Variants in ARHGAP21 observed in about 807,000 individuals in gnomAD.
ARHGAP21 encodes the protein rho GTPase-activating protein 21.
Under a neutral mutation model 164.6 loss-of-function variants are expected in ARHGAP21, and 38 were observed. The observed-to-expected ratio is 0.23, with a 90% confidence interval of 0.18 to 0.30. The LOEUF is 0.30. ARHGAP21 is among the 10% of genes least tolerant of loss of function. The pLI is 1.00. For missense variants in ARHGAP21, 1,822 were observed against 2,370.7 expected (o/e 0.77, Z 4.81); for synonymous variants, 766 against 857.9 (o/e 0.89, Z 1.87).
At chr10:24,611,295 C>A (rs903521601) in intron 9 of ARHGAP21, among the ~76,000 whole-genome samples, 2 of 152,176 alleles carry the variant, frequency 1.3e-5, no homozygotes, top group Non-Finnish European at 2.9e-5. Context: ...ACTTTCTCTT[C>A]TTATCCTTGG....
intron 9 of ARHGAP21, among the ~76,000 whole-genome samples, chr10:24,614,310 C>T (rs575397936): frequency 6.6e-6 from 1 of 152,116 alleles, no homozygotes; most frequent in Non-Finnish European, 1.5e-5. Flanking sequence ...AAAAGGCCTA[C>T]AATTACGAAT....
chr10:24,596,933 T>G (rs2076608932), intron 16 of ARHGAP21, 51 bp from the exon 17 acceptor site: 2 of 1,555,736 alleles, frequency 1.3e-6, no homozygotes, highest in Non-Finnish European at 1.7e-6. Context: ...GAAATGAGTG[T>G]CTAAATCATG....
intron 2 of ARHGAP21, among the ~76,000 whole-genome samples, chr10:24,701,365 G>T (rs1843656759): frequency 6.6e-6 from 1 of 151,772 alleles, no homozygotes; most frequent in Non-Finnish European, 1.5e-5. Context: ...TATACAAAAT[G>T]AGATTTCCAT....
At chr10:24,607,045 T>C (rs2077055811) in intron 11 of ARHGAP21, among the ~76,000 whole-genome samples, 2 of 152,172 alleles carry the variant, frequency 1.3e-5, no homozygotes, top group Non-Finnish European at 2.9e-5. Flanking sequence ...AACTATTCAA[T>C]GGAAAATTAA....
chr10:24,592,902 A>G (rs2076399689), intron 21 of ARHGAP21, among the ~76,000 whole-genome samples: 1 of 152,182 alleles, frequency 6.6e-6, no homozygotes, highest in African/African-American at 2.4e-5. Context: ...ACCAATTTTT[A>G]CTTGAAACCA....
At chr10:24,639,916 A>T (rs574645511) in intron 4 of ARHGAP21, among the ~76,000 whole-genome samples, 2 of 125,828 alleles carry the variant, frequency 1.6e-5, no homozygotes, top group South Asian at 5.0e-4. Context: ...AATATTAAGT[A>T]TACAAAAAAA....
chr10:24,640,096 T>C (rs923174654), intron 4 of ARHGAP21: 3 of 151,978 alleles, frequency 2.0e-5, no homozygotes, highest in South Asian at 2.1e-4. Context: ...TGGAAAAATA[T>C]ATAGTTTATA....
chr10:24,671,898 T>G lies in ARHGAP21; in HGVS notation c.64-1501A>C, dbSNP rs1312398896. Among the ~76,000 whole-genome samples the G allele has an allele frequency of 2.9e-5, 4 of 138,934 alleles. No individual in the cohort carries two copies. The East Asian group carries it at 8.3e-4, about 29-fold the overall frequency. The allele number at this position is 138,934 out of a possible 152,430, so 91.1% of individuals were successfully genotyped here. A position where few individuals can be genotyped will look rare whatever the true frequency, so the allele number is the denominator to read the frequency against. Reference sequence around the variant, plus strand: ...TCATCAAGCTAATTTTTTTTTTTTTTTTTTTTTTTTTTGTAGAGACAAGGT... The same window carrying G: ...TCATCAAGCTAATTTTTTTTTTTTTGTTTTTTTTTTTTGTAGAGACAAGGT... On this transcript the variant is annotated intron_variant, in intron 2 of 25. Transcript: ENST00000396432.
chr10:24,633,768 G>A (rs1196386317), intron 5 of ARHGAP21, among the ~76,000 whole-genome samples: 1 of 150,942 alleles, frequency 6.6e-6, no homozygotes, highest in African/African-American at 2.4e-5. Flanking sequence ...ACTGAATTTA[G>A]AAATTTCAAA....
chr10:24,671,884 A>ATTTTTTTT (rs35692163), intron 2 of ARHGAP21, among the ~76,000 whole-genome samples: 2 of 82,494 alleles, frequency 2.4e-5, no homozygotes, highest in Non-Finnish European at 4.6e-5. Context: ...CATCAAGCTA[A>ATTTTTTTT]TTTTTTTTTT....
At chr10:24,611,735 G>C (rs1247149196) in intron 9 of ARHGAP21, among the ~76,000 whole-genome samples, 2 of 151,690 alleles carry the variant, frequency 1.3e-5, no homozygotes. Context: ...AAAAAAAAAA[G>C]GAAAAAGAAA....
chr10:24,703,666 A>G (rs1272171168), intron 2 of ARHGAP21, among the ~76,000 whole-genome samples: 3 of 152,120 alleles, frequency 2.0e-5, no homozygotes, highest in South Asian at 4.2e-4. Flanking sequence ...CCACTCTCCC[A>G]CTTCCCATGG....
intron 2 of ARHGAP21, among the ~76,000 whole-genome samples, chr10:24,715,038 A>AG (rs1476490076): frequency 6.7e-6 from 1 of 149,684 alleles, no homozygotes; most frequent in Non-Finnish European, 1.5e-5. Flanking sequence ...TCAAAAAAAA[A>AG]AAGAAAAGAA....
chr10:24,609,446 CTGAA>C (rs1219937168), intron 9 of ARHGAP21, among the ~76,000 whole-genome samples: 1 of 152,134 alleles, frequency 6.6e-6, no homozygotes, highest in Non-Finnish European at 1.5e-5. Flanking sequence ...TAAAGGAGGA[CTGAA>C]TGGAGAAGGC....
intron 4 of ARHGAP21, among the ~76,000 whole-genome samples, chr10:24,651,774 G>A (rs185854550): frequency 6.6e-6 from 1 of 152,266 alleles, no homozygotes; most frequent in East Asian, 1.9e-4. Context: ...TCATTCATGA[G>A]AGAGATACAC....
At chr10:24,685,065 T>C (rs1842095215) in intron 2 of ARHGAP21, among the ~76,000 whole-genome samples, 1 of 152,174 alleles carries the variant, frequency 6.6e-6, no homozygotes, top group Non-Finnish European at 1.5e-5. Context: ...ATATTTAAAA[T>C]TGGGGGGAGG....
chr10:24,719,350 A>G (rs1175546612), intron 2 of ARHGAP21, among the ~76,000 whole-genome samples: 3 of 152,172 alleles, frequency 2.0e-5, no homozygotes, highest in Non-Finnish European at 4.4e-5. Flanking sequence ...GGAGGCCTAA[A>G]TGTATATCAT....
In ARHGAP21 at chr10:24,600,569, A is replaced by G. The variant is rs998529420; in HGVS notation, c.3132+77T>C. The G allele has an allele frequency of 6.2e-6, 9 of 1,460,974 alleles. No individual in the cohort carries two copies. In the Admixed American group the frequency reaches 9.2e-5, roughly 15 times the overall value. 90.5% of individuals were successfully genotyped at this position (1,460,974 alleles called of 1,614,324 possible). On this transcript the variant is annotated intron_variant, in intron 14 of 25. Coordinates refer to ENST00000396432, the MANE Select transcript of ARHGAP21 (RefSeq NM_020824.4). ...ATTATAATTTTTTTATAAAAATGAT[A>G]TATCATATTCCTTAGATCTTTGTAA...
intron 8 of ARHGAP21, among the ~76,000 whole-genome samples, chr10:24,622,389 C>G (rs1834632038): frequency 7.1e-6 from 1 of 140,874 alleles, no homozygotes. Flanking sequence ...ACAAACGTAA[C>G]AGCAAAGTAG....
Sources: allele counts gnomAD v4.1 joint callset (sites outside exome capture counted in the v4.1 genomes callset), GRCh38; gene constraint gnomAD v4.1.1; transcripts MANE v1.5; gene names NCBI Gene and HGNC (gene_info 2026-07-23, HGNC 2026-07-21).